Variants in PHF6 observed in about 807,000 individuals in gnomAD.
PHF6 encodes PHD finger protein 6, also known as PHD-like zinc finger protein.
In PHF6, 7 loss-of-function variants were observed where a neutral mutation model predicts 34.0. The observed-to-expected ratio is 0.21, with a 90% CI of 0.12 to 0.39. PHF6 has a LOEUF of 0.39. PHF6 is among the 10% of genes least tolerant of loss of function. The pLI is 1.00. For synonymous variants in PHF6, 89 were observed against 88.4 expected, an observed-to-expected ratio of 1.01 and a Z score of -0.04; for missense variants, 128 against 262.8, an observed-to-expected ratio of 0.49 and a Z score of 3.55.
At chrX:134,408,620 G>A (rs1294699590) in intron 5 of PHF6, among the ~76,000 whole-genome samples, 1 of 111,649 alleles carries the variant, frequency 9.0e-6, no homozygotes, top group East Asian at 2.8e-4. Flanking sequence ...CCTATGCTTT[G>A]TGCATTTTTC....
At chrX:134,376,316 A>G (rs2077278132) in intron 1 of PHF6, among the ~76,000 whole-genome samples, 1 of 112,041 alleles carries the variant, frequency 8.9e-6, no homozygotes, top group South Asian at 3.6e-4. Context: ...AACTGTTCAA[A>G]TGTATAGACA....
chrX:134,377,258 G>A (rs529061865), intron 1 of PHF6, among the ~76,000 whole-genome samples: 44 of 111,430 alleles, frequency 3.9e-4, no homozygotes, highest in Middle Eastern at 4.6e-3. Context: ...TATTTATTAC[G>A]GAGGCATCTT....
At chrX:134,402,865 G>T (rs1388262392) in intron 5 of PHF6, among the ~76,000 whole-genome samples, 1 of 111,676 alleles carries the variant, frequency 9.0e-6, no homozygotes, top group Non-Finnish European at 1.9e-5. Context: ...TGTGATCAAT[G>T]ATCTTTGATA....
At chrX:134,391,390 T>A (rs112995391) in intron 3 of PHF6, among the ~76,000 whole-genome samples, 117 of 112,165 alleles carry the variant, frequency 1.0e-3, no homozygotes, top group African/African-American at 3.6e-3. Flanking sequence ...TAGACTAGGT[T>A]TATAGAGTAA....
intron 5 of PHF6, among the ~76,000 whole-genome samples, chrX:134,405,685 G>A (rs75209545): frequency 0.12 from 13,386 of 109,873 alleles, 709 homozygotes; most frequent in East Asian, 0.21. Flanking sequence ...GGATTATTTC[G>A]AAGTAATCCC....
chrX:134,418,997 C>G (rs1309979294), intron 9 of PHF6: 3 of 110,524 alleles, frequency 2.7e-5, no homozygotes, highest in Non-Finnish European at 5.7e-5. Flanking sequence ...CGCATGCCAT[C>G]ATGCCCAGCT....
intron 3 of PHF6, among the ~76,000 whole-genome samples, chrX:134,390,952 CTTTTTCTT>C (rs1434888284): frequency 2.0e-5 from 2 of 97,652 alleles, no homozygotes; most frequent in East Asian, 3.4e-4. Context: ...AAACATTTTT[CTTTTTCTT>C]TTTTTCTTTT....
chrX:134,411,680 ATGAT>A (rs1362374304), intron 5 of PHF6, among the ~76,000 whole-genome samples: 5 of 111,534 alleles, frequency 4.5e-5, no homozygotes, highest in Admixed American at 1.9e-4. Flanking sequence ...ATGTCTTAGA[ATGAT>A]TGAAACAGTT....
Position 134,425,805 on chromosome X carries a change from C to G in PHF6, c.*145C>G. On this transcript the variant is annotated 3_prime_UTR_variant, in exon 11 of 11. Transcript: ENST00000370803. Reference sequence around the variant, plus strand: ...CCTTCATTGAACTGCCTAAAAATGTCTTGTTTGTTTTATGAGCCCTCACTA... The same window carrying G: ...CCTTCATTGAACTGCCTAAAAATGTGTTGTTTGTTTTATGAGCCCTCACTA... 1 of 181,654 alleles carries G rather than the reference C, an allele frequency of 5.5e-6. No individual in the cohort carries two copies. Among genetic ancestry groups the G allele is most frequent in the Admixed American group, 7.1e-5 (1 of 14,118 alleles). 15.0% of individuals were successfully genotyped at this position (181,654 alleles called of 1,213,427 possible).
intron 9 of PHF6, 79 bp from the exon 10 acceptor site, chrX:134,425,122 G>A: frequency 5.3e-6 from 6 of 1,133,156 alleles, no homozygotes; most frequent in Non-Finnish European, 7.3e-6. Context: ...ATGGGCACTA[G>A]CCTCATCCAC....
At chrX:134,408,021 G>A (rs1382482333) in intron 5 of PHF6, among the ~76,000 whole-genome samples, 1 of 111,918 alleles carries the variant, frequency 8.9e-6, no homozygotes, top group Admixed American at 9.4e-5. Context: ...TCCGCCTCCC[G>A]GGTTCAAGTG....
intron 5 of PHF6, among the ~76,000 whole-genome samples, chrX:134,396,885 T>TAA (rs35795052): frequency 1.7e-3 from 142 of 81,488 alleles, no homozygotes; most frequent in African/African-American, 6.0e-3. Flanking sequence ...TGTACTGCAC[T>TAA]AAAAAAAAAA....
At chrX:134,419,948 G>A (rs1360344289) in intron 9 of PHF6, 1 of 112,173 alleles carries the variant, frequency 8.9e-6, no homozygotes, top group Non-Finnish European at 1.9e-5. Flanking sequence ...GGAGGCCAAA[G>A]CGAGAGGATT....
chrX:134,425,853 A>T lies in PHF6; in HGVS notation c.*193A>T. On this transcript the variant is annotated 3_prime_UTR_variant, in exon 11 of 11. Transcript: ENST00000370803. ...CTAGAAGGCTGAGTTTGACATGTTG[A>T]TATTACGTAGCTATAGTTTGCAGTT... 5.7e-6 allele frequency: 1 copy of T among 176,387 alleles called. No individual in the cohort carries two copies. Among genetic ancestry groups the T allele is most frequent in the Admixed American group, 7.3e-5 (1 of 13,744 alleles). The allele number at this position is 176,387 out of a possible 1,213,427, so 14.5% of individuals were successfully genotyped here.
intron 3 of PHF6, among the ~76,000 whole-genome samples, chrX:134,380,965 GCCTCCCGA>G (rs2077304867): frequency 9.0e-6 from 1 of 111,621 alleles, no homozygotes; most frequent in East Asian, 2.8e-4. Flanking sequence ...TCCTGCCTCA[GCCTCCCGA>G]GTAGCTGGGA....
intron 3 of PHF6, among the ~76,000 whole-genome samples, chrX:134,383,530 A>AT (rs1374473788): frequency 1.8e-5 from 2 of 111,373 alleles, no homozygotes; most frequent in Non-Finnish European, 3.8e-5. Flanking sequence ...AATTTTACTC[A>AT]TGTCTTATGA....
chrX:134,427,958 T>C lies in PHF6; in HGVS notation c.*2298T>C, dbSNP rs1259344794. 1 of 153,938 alleles carries C rather than the reference T, an allele frequency of 6.5e-6. No individual in the cohort carries two copies. Among genetic ancestry groups the C allele is most frequent in the Non-Finnish European group, 1.3e-5 (1 of 78,763 alleles). 12.7% of individuals were successfully genotyped at this position (153,938 alleles called of 1,213,427 possible). Reference sequence around the variant, plus strand: ...TATTTAGAAAAATGGACCTCAGCAGTGTATTTACTGTACATCTCTTAAGTC... The same window carrying C: ...TATTTAGAAAAATGGACCTCAGCAGCGTATTTACTGTACATCTCTTAAGTC... On this transcript the variant is annotated 3_prime_UTR_variant, in exon 11 of 11. Transcript: ENST00000370803.
intron 3 of PHF6, among the ~76,000 whole-genome samples, chrX:134,380,893 CAG>C (rs1450534789): frequency 8.9e-6 from 1 of 112,037 alleles, no homozygotes; most frequent in Non-Finnish European, 1.9e-5. Context: ...CTCTGTTGCC[CAG>C]GCTGGAGTGC....
intron 3 of PHF6, among the ~76,000 whole-genome samples, chrX:134,387,538 T>C (rs1046752036): frequency 4.5e-5 from 5 of 111,385 alleles, no homozygotes; most frequent in Non-Finnish European, 7.5e-5. Context: ...CGAGAAAAGC[T>C]TGGACATAAA....
Sources: gnomAD v4.1 joint callset for allele counts (sites outside exome capture counted in the v4.1 genomes callset) on GRCh38, gnomAD v4.1.1 for gene constraint, MANE v1.5 for transcripts, NCBI Gene and HGNC (gene_info 2026-07-23, HGNC 2026-07-21) for gene names.